The following PRKG1 variants were observed in gnomAD, a reference collection of about 807,000 sequenced individuals.
PRKG1 encodes cGMP-dependent protein kinase 1.
In PRKG1, 35 loss-of-function variants were observed where a neutral mutation model predicts 88.1. The ratio of observed to expected loss-of-function variants is 0.40; its 90% CI spans 0.30 to 0.53. The LOEUF (loss-of-function observed/expected upper bound fraction) is 0.53, where lower values mean the gene tolerates loss of function less well. PRKG1 is among the 20% of genes least tolerant of loss of function. PRKG1 has a pLI of 0.59. For synonymous variants in PRKG1, 303 were observed against 292.5 expected, an observed-to-expected ratio of 1.04 and a Z score of -0.37; for missense variants, 540 against 839.8, an observed-to-expected ratio of 0.64 and a Z score of 4.41.
intron 1 of PRKG1, among the ~76,000 whole-genome samples, chr10:51,103,292 A>T (rs1250657103): frequency 2.6e-5 from 4 of 152,204 alleles, no homozygotes; most frequent in Admixed American, 6.5e-5. Context: ...AGGGCCCAAC[A>T]TAGTGATGAA....
chr10:52,016,559 C>T (rs1035210742), intron 5 of PRKG1, among the ~76,000 whole-genome samples: 9 of 152,040 alleles, frequency 5.9e-5, no homozygotes, highest in Non-Finnish European at 1.2e-4. Flanking sequence ...AGTGAAAGAA[C>T]GACAGGCATA....
intron 5 of PRKG1, among the ~76,000 whole-genome samples, chr10:52,017,378 T>C (rs1277951784): frequency 6.6e-6 from 1 of 152,118 alleles, no homozygotes; most frequent in East Asian, 1.9e-4. Flanking sequence ...AGGTGCATTA[T>C]GATGAGGAGT....
chr10:52,146,117 A>G (rs2132658528), intron 8 of PRKG1, among the ~76,000 whole-genome samples: 1 of 152,344 alleles, frequency 6.6e-6, no homozygotes, highest in African/African-American at 2.4e-5. Context: ...CTTGGGCTGA[A>G]TAACATTTTA....
At chr10:51,351,207 C>T (rs1012836109) in intron 2 of PRKG1, among the ~76,000 whole-genome samples, 3 of 152,024 alleles carry the variant, frequency 2.0e-5, no homozygotes, top group East Asian at 1.9e-4. Flanking sequence ...TGAACAGTGC[C>T]GCAATAAACA....
chr10:51,338,003 T>C (rs1292818668), intron 2 of PRKG1, among the ~76,000 whole-genome samples: 2 of 152,158 alleles, frequency 1.3e-5, no homozygotes, highest in Non-Finnish European at 2.9e-5. Context: ...TCAACTCAAA[T>C]ACCCATCAAA....
intron 1 of PRKG1, among the ~76,000 whole-genome samples, chr10:51,002,197 T>C (rs558985201): frequency 6.4e-4 from 96 of 150,554 alleles, no homozygotes; most frequent in African/African-American, 2.2e-3. Context: ...AAAAAGTATG[T>C]GTGAGGAGAC....
At chr10:51,353,793 T>C (rs1842304214) in intron 2 of PRKG1, among the ~76,000 whole-genome samples, 1 of 152,096 alleles carries the variant, frequency 6.6e-6, no homozygotes, top group African/African-American at 2.4e-5. Flanking sequence ...ATCCCACTGC[T>C]GGGTGTATAC....
chr10:51,256,548 C>A (rs1246292822), intron 2 of PRKG1, among the ~76,000 whole-genome samples: 1 of 152,030 alleles, frequency 6.6e-6, no homozygotes, highest in Admixed American at 6.6e-5. Context: ...ATAATAAATG[C>A]CCTCAGACTT....
At chr10:51,753,203 T>C (rs1399586065) in intron 3 of PRKG1, among the ~76,000 whole-genome samples, 1 of 152,144 alleles carries the variant, frequency 6.6e-6, no homozygotes, top group Non-Finnish European at 1.5e-5. Context: ...ATCTAATCAA[T>C]TTTATGGAAG....
At chr10:52,264,111 C>A (rs16913597) in intron 10 of PRKG1, among the ~76,000 whole-genome samples, 5,289 of 152,110 alleles carry the variant, frequency 0.035, 479 homozygotes, top group East Asian at 0.34. Context: ...TGCTGCAGAA[C>A]AGGATGTCTA....
At chr10:51,621,569 T>C (rs1254150742) in intron 3 of PRKG1, among the ~76,000 whole-genome samples, 1 of 152,180 alleles carries the variant, frequency 6.6e-6, no homozygotes, top group Non-Finnish European at 1.5e-5. Context: ...GCAAGTATCA[T>C]GCCAAGTTTA....
chr10:51,563,923 A>G (rs549137083), intron 3 of PRKG1, among the ~76,000 whole-genome samples: 7 of 152,244 alleles, frequency 4.6e-5, no homozygotes, highest in East Asian at 1.9e-4. Flanking sequence ...ACCCAGATAC[A>G]TGAGATAAGT....
At chr10:51,580,556 T>C (rs1838004679) in intron 3 of PRKG1, among the ~76,000 whole-genome samples, 1 of 152,120 alleles carries the variant, frequency 6.6e-6, no homozygotes, top group Non-Finnish European at 1.5e-5. Flanking sequence ...CACTCCTCTT[T>C]CTTGAAAATG....
rs530296172 is a variant in PRKG1 at position 52,279,249 on chromosome 10, A to T, written c.1404-1540A>T. On this transcript the variant is annotated intron_variant, in intron 12 of 17. Transcript: ENST00000373980. ...CCAAAGATATCTCCAAGTCAGAGGA[A>T]AATTGTAGCATGAAGTATATCATTT... Among the ~76,000 whole-genome samples, 6 of 152,256 alleles carry T rather than the reference A, an allele frequency of 3.9e-5. No homozygotes were observed. In the South Asian group the frequency reaches 1.2e-3, roughly 32 times the overall value.
chr10:51,270,329 G>A (rs1199309718), intron 2 of PRKG1, among the ~76,000 whole-genome samples: 1 of 152,108 alleles, frequency 6.6e-6, no homozygotes, highest in East Asian at 1.9e-4. Context: ...GATTATCTTT[G>A]TGACAGCAAG....
chr10:52,164,222 G>A lies in PRKG1; in HGVS notation c.1076+2259G>A, dbSNP rs1205208959. Among the ~76,000 whole-genome samples the A allele has an allele frequency of 3.9e-5, 6 of 152,056 alleles. No homozygotes were observed. The South Asian group carries it at 1.0e-3, about 26-fold the overall frequency. The stretch of plus-strand genomic sequence containing the variant: ...AAAAATTAGCCAGGCGTGGTGGTGG[G>A]CACCTGTAATCCCAGCTACTCAGGA... On this transcript the variant is annotated intron_variant, in intron 9 of 17. Coordinates refer to ENST00000373980, the MANE Select transcript of PRKG1 (RefSeq NM_006258.4).
chr10:52,247,022 A>T (rs909303475), intron 9 of PRKG1, among the ~76,000 whole-genome samples: 1 of 151,878 alleles, frequency 6.6e-6, no homozygotes, highest in East Asian at 1.9e-4. Flanking sequence ...TTCACACAAC[A>T]TACTTATCTT....
At chr10:51,017,401 GAGA>G (rs1164380487) in intron 1 of PRKG1, among the ~76,000 whole-genome samples, 1 of 152,100 alleles carries the variant, frequency 6.6e-6, no homozygotes, top group Non-Finnish European at 1.5e-5. Flanking sequence ...ACCTGCCACA[GAGA>G]AGATTTTCAA....
chr10:51,754,306 C>T (rs569961153), intron 3 of PRKG1, among the ~76,000 whole-genome samples: 17 of 152,254 alleles, frequency 1.1e-4, no homozygotes, highest in Admixed American at 2.0e-4. Flanking sequence ...TTCACTTTTG[C>T]GCCTATTGAT....
Sources: allele counts gnomAD v4.1 joint callset (sites outside exome capture counted in the v4.1 genomes callset), GRCh38; gene constraint gnomAD v4.1.1; transcripts MANE v1.5; gene names NCBI Gene and HGNC (gene_info 2026-07-23, HGNC 2026-07-21).